METTL8: variants seen among roughly 807,000 people sequenced by gnomAD.
The protein encoded by METTL8 is methyltransferase 8, tRNA N3-cytidine.
A neutral mutation model predicts 48.7 loss-of-function variants in METTL8; 32 were observed. That is an observed-to-expected ratio of 0.66 (90% CI 0.50 to 0.88). The LOEUF (loss-of-function observed/expected upper bound fraction) is 0.88. Among genes scored for constraint, METTL8 ranks in the 40% least tolerant of loss-of-function variants. METTL8 has a pLI of 0.00. For missense variants in METTL8, 464 were observed against 474.4 expected (o/e 0.98, Z 0.20); for synonymous variants, 136 against 157.1 (o/e 0.87, Z 1.01).
intron 3 of METTL8, among the ~76,000 whole-genome samples, chr2:171,354,863 A>ATT (rs146105055): frequency 4.0e-5 from 6 of 151,358 alleles, no homozygotes; most frequent in African/African-American, 7.3e-5. Flanking sequence ...CATTTGTCTA[A>ATT]TTTTTTTTTC....
At chr2:171,395,389 G>A (rs1432425893) in intron 1 of METTL8, among the ~76,000 whole-genome samples, 1 of 152,000 alleles carries the variant, frequency 6.6e-6, no homozygotes, top group East Asian at 1.9e-4. Flanking sequence ...ATATAAATGG[G>A]CTCCAATTAA....
At chr2:171,426,380 A>G (rs1692420585) in intron 1 of METTL8, among the ~76,000 whole-genome samples, 1 of 152,186 alleles carries the variant, frequency 6.6e-6, no homozygotes, top group African/African-American at 2.4e-5. Flanking sequence ...ATTTAAAACA[A>G]TTTTTTATTT....
intron 1 of METTL8, among the ~76,000 whole-genome samples, chr2:171,417,019 T>C (rs1383239523): frequency 6.6e-6 from 1 of 152,244 alleles, no homozygotes; most frequent in African/African-American, 2.4e-5. Context: ...GGGGTTTGCA[T>C]TGCAGGCAGT....
intron 3 of METTL8, among the ~76,000 whole-genome samples, chr2:171,344,645 G>C (rs749225182): frequency 2.0e-4 from 31 of 152,124 alleles, no homozygotes; most frequent in Non-Finnish European, 3.1e-4. Flanking sequence ...ATGAGCAATA[G>C]GAACATTAAA....
chr2:171,391,893 A>AAGTCAGGATCGGTT (rs1688611434), intron 2 of METTL8, 150 bp downstream of exon 2: 1 of 691,242 alleles, frequency 1.4e-6, no homozygotes, highest in Non-Finnish European at 2.3e-6. Context: ...AGCAACACTT[A>AAGTCAGGATCGGTT]AGTCAGGATC....
upstream of METTL8, chr2:171,434,051 A>C: frequency 3.5e-6 from 1 of 287,318 alleles, no homozygotes; most frequent in South Asian, 2.9e-5. Context: ...GGAGACCTGG[A>C]GGCGGCAGCA....
chr2:171,348,614 G>T (rs1683549435), intron 3 of METTL8, among the ~76,000 whole-genome samples: 1 of 152,098 alleles, frequency 6.6e-6, no homozygotes, highest in South Asian at 2.1e-4. Flanking sequence ...CTATTTGTGG[G>T]ATTAGTGGGG....
Position 171,337,529 on chromosome 2 carries a change from C to A in METTL8, c.607-27G>T, listed in dbSNP as rs1482869796. 9 of 1,572,728 alleles carry A rather than the reference C, an allele frequency of 5.7e-6. No individual in the cohort carries two copies. The African/African-American group carries it at 8.2e-5, about 14-fold the overall frequency. ...TAAAATCAAAAGAACAAGCAAATAT[C>A]AAAAAAAGCAAGGTTAAATTTTTGT... is the stretch of plus-strand genomic sequence containing the variant. On this transcript the variant is annotated intron_variant, in intron 4 of 9. Coordinates refer to ENST00000375258, the MANE Select transcript of METTL8 (RefSeq NM_001321154.2).
At chr2:171,389,893 AAAAC>A (rs1688430072) in intron 2 of METTL8, among the ~76,000 whole-genome samples, 1 of 152,228 alleles carries the variant, frequency 6.6e-6, no homozygotes, top group Non-Finnish European at 1.5e-5. Flanking sequence ...GTTACACTAA[AAAAC>A]AAACTTTCAA....
intron 1 of METTL8, 70 bp from the exon 2 acceptor site, chr2:171,392,267 C>A: frequency 7.6e-7 from 1 of 1,317,548 alleles, no homozygotes; most frequent in African/African-American, 1.5e-5. Context: ...ATACCCAAAA[C>A]CTGGTTCTAA....
intron 2 of METTL8, among the ~76,000 whole-genome samples, chr2:171,385,003 A>C (rs766895948): frequency 1.3e-5 from 2 of 152,250 alleles, no homozygotes; most frequent in Non-Finnish European, 2.9e-5. Flanking sequence ...ATATGGTCAT[A>C]TAGAGAGTAA....
chr2:171,430,843 T>C (rs1490655039), intron 1 of METTL8, among the ~76,000 whole-genome samples: 1 of 152,156 alleles, frequency 6.6e-6, no homozygotes, highest in Non-Finnish European at 1.5e-5. Context: ...CTCTGATTGA[T>C]CCCCACCCTT....
At chr2:171,409,842 A>G (rs1192860547) in intron 1 of METTL8, among the ~76,000 whole-genome samples, 2 of 152,140 alleles carry the variant, frequency 1.3e-5, no homozygotes, top group African/African-American at 4.8e-5. Flanking sequence ...TGCACCAACT[A>G]TGGTGTGGGG....
At chr2:171,343,130 T>C (rs1436369718) in intron 3 of METTL8, among the ~76,000 whole-genome samples, 2 of 152,288 alleles carry the variant, frequency 1.3e-5, no homozygotes, top group East Asian at 1.9e-4. Context: ...GGTAACCTTA[T>C]GTAGCAATTT....
At chr2:171,434,245 C>G (rs1265173973), upstream of METTL8, 3 of 471,436 alleles carry the variant, frequency 6.4e-6, no homozygotes, top group South Asian at 4.7e-5. Context: ...GGCTGCCTCA[C>G]GAGGCACTAG....
rs117768861 is a variant in METTL8, at chr2:171,324,332, C to T, written c.1064G>A (p.Ser355Asn). 1.5e-3 allele frequency: 2,310 copies of T among 1,551,648 alleles called. 46 individuals carry two copies. The East Asian group carries it at 0.042, about 28-fold the overall frequency. The change falls in exon 10 of 10, where the codon AGT becomes AAT. Residue 355 changes from serine to asparagine, a missense_variant. Ser to Asn is a conservative substitution (Grantham distance 46, BLOSUM62 1). Coordinates refer to ENST00000375258, the MANE Select transcript of METTL8 (RefSeq NM_001321154.2). ...AACCAGATTTTGCTTTTCATCTAAA[C>T]TGGCTTTGCAGAACATACTGTGGAC... ...GEVHSMFCKA[S>N]LDEKQNLVDR...
chr2:171,410,308 T>C (rs1317966739), intron 1 of METTL8, among the ~76,000 whole-genome samples: 3 of 152,232 alleles, frequency 2.0e-5, no homozygotes, highest in African/African-American at 4.8e-5. Context: ...CCTTGTTTAT[T>C]TTAAATGGTC....
chr2:171,317,952 T>C lies in METTL8; in HGVS notation c.*6220A>G, dbSNP rs1449005312. ...AGGTGCACTTGCTTTTTCAATCTGA[T>C]GCTATTTTTCTTACCCTCTGTAGGC... On this transcript the variant is annotated 3_prime_UTR_variant, in exon 10 of 10. Coordinates refer to ENST00000375258, the MANE Select transcript of METTL8 (RefSeq NM_001321154.2). The C allele has an allele frequency of 6.6e-6, 1 of 152,242 alleles. No individual in the cohort carries two copies. Among genetic ancestry groups the C allele is most frequent in the Non-Finnish European group, 1.5e-5 (1 of 68,050 alleles). The allele number at this position is 152,242 out of a possible 1,614,324, so 9.4% of individuals were successfully genotyped here.
chr2:171,337,196 T>A (rs772804508), intron 5 of METTL8, among the ~76,000 whole-genome samples: 3 of 152,122 alleles, frequency 2.0e-5, no homozygotes, highest in Non-Finnish European at 4.4e-5. Flanking sequence ...CTCTCATCCA[T>A]ATACACATAA....
Sources: gnomAD v4.1 joint callset for allele counts (sites outside exome capture counted in the v4.1 genomes callset) on GRCh38, gnomAD v4.1.1 for gene constraint, MANE v1.5 for transcripts, NCBI Gene and HGNC (gene_info 2026-07-23, HGNC 2026-07-21) for gene names.